The following REEP3 variants were observed in gnomAD, a reference collection of about 807,000 sequenced individuals.
The protein encoded by REEP3 is receptor expression-enhancing protein 3.
In REEP3, 20 loss-of-function variants were observed where a neutral mutation model predicts 41.3. That is an observed-to-expected ratio of 0.48 (90% CI 0.34 to 0.70). The LOEUF is 0.70. Among genes scored for constraint, REEP3 ranks in the 30% least tolerant of loss-of-function variants. The pLI, the probability that REEP3 is intolerant of heterozygous loss-of-function variation, is 0.01. For missense variants in REEP3, 271 were observed against 308.8 expected (o/e 0.88, Z 0.92); for synonymous variants, 104 against 101.8 (o/e 1.02, Z -0.13).
intron 1 of REEP3, among the ~76,000 whole-genome samples, chr10:63,527,895 T>G (rs771660461): frequency 1.3e-5 from 2 of 152,086 alleles, no homozygotes. Flanking sequence ...ATACAATTGC[T>G]CACTTTCTCC....
At position 63,623,512 on chromosome 10, in the gene REEP3, T is replaced by A. The variant is rs995801274; in HGVS notation, c.*2643T>A. 6.6e-6 allele frequency: 1 copy of A among 152,368 alleles called. No homozygotes were observed. The highest frequency in any genetic ancestry group is 1.9e-4 in the East Asian group (1 of 5,196). The allele number at this position is 152,368 out of a possible 1,614,324, so 9.4% of individuals were successfully genotyped here. ...CTATTTAGGGAACTATTTTGGTAGATGTTTGAGTTTATACAGAAATTGCAG... is the reference window on the plus strand; with the variant it reads ...CTATTTAGGGAACTATTTTGGTAGAAGTTTGAGTTTATACAGAAATTGCAG... On this transcript the variant is annotated 3_prime_UTR_variant, in exon 8 of 8. Transcript: ENST00000373758.
At chr10:63,530,173 G>GA (rs200695366) in intron 1 of REEP3, among the ~76,000 whole-genome samples, 2 of 40,750 alleles carry the variant, frequency 4.9e-5, no homozygotes, top group Non-Finnish European at 1.1e-4. Context: ...TAGGATTAAT[G>GA]AAAAAATCCT....
intron 1 of REEP3, among the ~76,000 whole-genome samples, chr10:63,539,117 C>T (rs934057465): frequency 4.6e-5 from 7 of 152,126 alleles, no homozygotes; most frequent in African/African-American, 1.7e-4. Flanking sequence ...GCCCGAAATA[C>T]CAACAGATTG....
rs1956369361 is a variant in REEP3, at chr10:63,623,346, G to A, written c.*2477G>A. 6.6e-6 allele frequency: 1 copy of A among 151,938 alleles called. No individual in the cohort carries two copies. Among genetic ancestry groups the A allele is most frequent in the Non-Finnish European group, 1.5e-5 (1 of 67,956 alleles). The allele number at this position is 151,938 out of a possible 1,614,324, so 9.4% of individuals were successfully genotyped here. A position where few individuals can be genotyped will look rare whatever the true frequency, so the allele number is the denominator to read the frequency against. Reference sequence around the variant, plus strand: ...TTGTCTAATTAGCCTGTACATTTTTGTTTCTTTTAAGGTAGAACAGATCTT... The same window carrying A: ...TTGTCTAATTAGCCTGTACATTTTTATTTCTTTTAAGGTAGAACAGATCTT... On this transcript the variant is annotated 3_prime_UTR_variant, in exon 8 of 8. Transcript: ENST00000373758.
At chr10:63,569,478 C>T (rs1589870752) in intron 2 of REEP3, among the ~76,000 whole-genome samples, 1 of 145,864 alleles carries the variant, frequency 6.9e-6, no homozygotes, top group Non-Finnish European at 1.5e-5. Flanking sequence ...CCCAAATCTG[C>T]TTTTTTTTTT....
intron 1 of REEP3, among the ~76,000 whole-genome samples, chr10:63,524,553 C>T (rs1421100856): frequency 6.6e-6 from 1 of 152,112 alleles, no homozygotes; most frequent in Non-Finnish European, 1.5e-5. Flanking sequence ...TCTCATGTCT[C>T]ATGACTCAAC....
intron 1 of REEP3, among the ~76,000 whole-genome samples, chr10:63,542,444 A>G (rs1303649543): frequency 2.6e-5 from 4 of 152,248 alleles, no homozygotes; most frequent in Non-Finnish European, 5.9e-5. Flanking sequence ...TCTGTTCTTC[A>G]TTAACTCACA....
rs1223935527 is a variant in REEP3 at position 63,521,596 on chromosome 10, G to A, written c.32+19G>A. 7 of 1,399,574 alleles carry A rather than the reference G, an allele frequency of 5.0e-6. No homozygotes were observed. The highest frequency in any genetic ancestry group is 2.0e-4 in the Middle Eastern group (1 of 5,042). The allele number at this position is 1,399,574 out of a possible 1,614,324, so 86.7% of individuals were successfully genotyped here. A position where few individuals can be genotyped will look rare whatever the true frequency, so the allele number is the denominator to read the frequency against. On this transcript the variant is annotated intron_variant, in intron 1 of 7. Transcript: ENST00000373758. ...CCGTGGTGTAAGTGCCTCTCACTGCGCCCTGCAGCCGGCGCGAGGCCCAGG... is the reference window on the plus strand; with the variant it reads ...CCGTGGTGTAAGTGCCTCTCACTGCACCCTGCAGCCGGCGCGAGGCCCAGG...
intron 2 of REEP3, among the ~76,000 whole-genome samples, chr10:63,590,815 G>A (rs997197799): frequency 2.0e-5 from 3 of 152,124 alleles, no homozygotes; most frequent in African/African-American, 7.2e-5. Context: ...TTCCGAACTG[G>A]AAAGAAATAC....
intron 1 of REEP3, among the ~76,000 whole-genome samples, chr10:63,529,795 G>A (rs1955402183): frequency 7.3e-6 from 1 of 136,094 alleles, no homozygotes; most frequent in African/African-American, 2.8e-5. Context: ...TTTTTTTTGA[G>A]ACTGAGGAGT....
intron 2 of REEP3, among the ~76,000 whole-genome samples, chr10:63,582,272 C>T (rs766017626): frequency 3.9e-5 from 6 of 152,204 alleles, no homozygotes; most frequent in Admixed American, 1.3e-4. Context: ...TGCATGTCCT[C>T]AACTCTGGTT....
intron 1 of REEP3, among the ~76,000 whole-genome samples, chr10:63,557,518 T>C (rs1363757379): frequency 6.6e-6 from 1 of 152,236 alleles, no homozygotes; most frequent in Non-Finnish European, 1.5e-5. Flanking sequence ...CCTTATTCTA[T>C]TGTTTAAATT....
At chr10:63,612,335 C>T (rs1956282794) in intron 6 of REEP3, among the ~76,000 whole-genome samples, 1 of 151,998 alleles carries the variant, frequency 6.6e-6, no homozygotes. Context: ...CCATGCCCTG[C>T]TAATTTTTCC....
chr10:63,609,141 A>G lies in REEP3; in HGVS notation c.418-1046A>G, dbSNP rs571381813. On this transcript the variant is annotated intron_variant, in intron 5 of 7. Transcript: ENST00000373758. Reference sequence around the variant, plus strand: ...CTTAGCTTAGCTTTAAAACAATGTCATGTCTCTTTTACTTTAAAAAGTTGC... The same window carrying G: ...CTTAGCTTAGCTTTAAAACAATGTCGTGTCTCTTTTACTTTAAAAAGTTGC... 1.2e-3 allele frequency among the ~76,000 whole-genome samples: 189 copies of G among 152,226 alleles called. 2 individuals are homozygous for G. Among genetic ancestry groups the G allele is most frequent in the Middle Eastern group, 3.4e-3 (1 of 294 alleles).
chr10:63,600,672 T>A (rs1169385653), intron 5 of REEP3, among the ~76,000 whole-genome samples: 6 of 152,114 alleles, frequency 3.9e-5, no homozygotes, highest in Admixed American at 1.3e-4. Context: ...AGGGAATAGA[T>A]GCAATTATCA....
intron 1 of REEP3, among the ~76,000 whole-genome samples, chr10:63,546,710 T>A (rs1475342025): frequency 6.6e-6 from 1 of 152,198 alleles, no homozygotes; most frequent in East Asian, 1.9e-4. Flanking sequence ...GACCCATACA[T>A]ATATAGGCAT....
Position 63,556,620 on chromosome 10 carries a change from T to TG in REEP3, c.33-9718_33-9717insG, listed in dbSNP as rs1365628570. On this transcript the variant is annotated intron_variant, in intron 1 of 7. Transcript: ENST00000373758. ...TTTTGTTTTCTGTTTGCTTGTTTTT[T>TG]TTTTTGTTGTTTTGTTTTTTTTTTT... is the stretch of plus-strand genomic sequence containing the variant. Among the ~76,000 whole-genome samples, 2 of 3,344 alleles carry TG rather than the reference T, an allele frequency of 6.0e-4. 1 individual carries two copies. The highest frequency in any genetic ancestry group is 8.0e-4 in the African/African-American group (2 of 2,506). The allele number at this position is 3,344 out of a possible 152,430, so 2.2% of individuals were successfully genotyped here. A position where few individuals can be genotyped will look rare whatever the true frequency, so the allele number is the denominator to read the frequency against.
rs560401176 is a variant in REEP3, at chr10:63,577,066, G to A, written c.105+10656G>A. Among the ~76,000 whole-genome samples the A allele has an allele frequency of 8.5e-5, 13 of 152,250 alleles. No individual in the cohort carries two copies. In the East Asian group the frequency reaches 2.5e-3, roughly 29 times the overall value. ...ATTCAACCCATAACAACCATTTCTT[G>A]GAAAGTTATCAATGTCTATATCTTT... is the stretch of plus-strand genomic sequence containing the variant. On this transcript the variant is annotated intron_variant, in intron 2 of 7. Transcript: ENST00000373758.
At chr10:63,536,576 G>A (rs1955476332) in intron 1 of REEP3, among the ~76,000 whole-genome samples, 1 of 152,070 alleles carries the variant, frequency 6.6e-6, no homozygotes, top group Admixed American at 6.5e-5. Flanking sequence ...GTTGCCCAGT[G>A]AGAGTAAAAA....
Sources: allele counts gnomAD v4.1 joint callset (sites outside exome capture counted in the v4.1 genomes callset), GRCh38; gene constraint gnomAD v4.1.1; transcripts MANE v1.5; gene names NCBI Gene and HGNC (gene_info 2026-07-23, HGNC 2026-07-21).